The following GALNT13 variants were observed in gnomAD, a reference collection of about 807,000 sequenced individuals.
The protein encoded by GALNT13 is UDP-GalNAc:polypeptide N-acetylgalactosaminyltransferase 13.
GALNT13 carries 28 observed loss-of-function variants against 64.2 expected under a neutral mutation model. The observed-to-expected ratio is 0.44, with a 90% confidence interval of 0.32 to 0.60. The LOEUF is 0.60. Among genes scored for constraint, GALNT13 ranks in the 20% least tolerant of loss-of-function variants. GALNT13 has a pLI of 0.05. For missense variants in GALNT13, 577 were observed against 669.8 expected, an observed-to-expected ratio of 0.86 and a Z score of 1.53; for synonymous variants, 214 against 224.6, an observed-to-expected ratio of 0.95 and a Z score of 0.42.
chr2:154,401,074 A>G (rs1461569091), intron 10 of GALNT13, among the ~76,000 whole-genome samples: 3 of 152,182 alleles, frequency 2.0e-5, no homozygotes, highest in Admixed American at 6.5e-5. Flanking sequence ...ACATTAGCAT[A>G]TGCATTTTGT....
At chr2:153,576,923 T>C in the GALNT13 span, among the ~76,000 whole-genome samples, 1 of 152,188 alleles carries the variant, frequency 6.6e-6, no homozygotes, top group East Asian at 1.9e-4. Flanking sequence ...TTATATCTTG[T>C]TTAAAAATCT....
chr2:153,697,004 G>A, the GALNT13 span, among the ~76,000 whole-genome samples: 17 of 152,160 alleles, frequency 1.1e-4, no homozygotes, highest in Non-Finnish European at 2.5e-4. Flanking sequence ...AGTAATAACG[G>A]TTGTGTGAAC....
At chr2:153,460,486 TGAA>T in the GALNT13 span, among the ~76,000 whole-genome samples, 28 of 152,126 alleles carry the variant, frequency 1.8e-4, no homozygotes, top group Admixed American at 3.3e-4. Flanking sequence ...CAGACAATAC[TGAA>T]GAAGACCATC....
the GALNT13 span, chr2:153,187,420 G>T: frequency 6.6e-6 from 1 of 152,202 alleles, no homozygotes; most frequent in African/African-American, 2.4e-5. Flanking sequence ...AAGGGGAAAG[G>T]TAACACAGTC....
At chr2:153,715,623 A>C in the GALNT13 span, among the ~76,000 whole-genome samples, 8 of 152,234 alleles carry the variant, frequency 5.3e-5, no homozygotes, top group Non-Finnish European at 1.0e-4. Context: ...ACTACTTGTC[A>C]ACTTTTCAAA....
the GALNT13 span, among the ~76,000 whole-genome samples, chr2:153,689,214 C>A: frequency 6.6e-6 from 1 of 151,726 alleles, no homozygotes; most frequent in Non-Finnish European, 1.5e-5. Flanking sequence ...CACATTCATG[C>A]CAAAACTTTG....
At chr2:153,938,760 A>T (rs1046421498) in intron 2 of GALNT13, among the ~76,000 whole-genome samples, 1 of 152,100 alleles carries the variant, frequency 6.6e-6, no homozygotes, top group South Asian at 2.1e-4. Flanking sequence ...CTGTGTCCTA[A>T]TCTCCTTGAA....
At chr2:154,050,256 A>G (rs1047254661) in intron 3 of GALNT13, among the ~76,000 whole-genome samples, 1 of 152,198 alleles carries the variant, frequency 6.6e-6, no homozygotes, top group Non-Finnish European at 1.5e-5. Context: ...ACCTTCTAAC[A>G]TCATCACATT....
chr2:153,238,223 G>T, the GALNT13 span, among the ~76,000 whole-genome samples: 2 of 151,904 alleles, frequency 1.3e-5, no homozygotes, highest in Admixed American at 1.3e-4. Flanking sequence ...TATATATTCT[G>T]ACTATTAATC....
intron 3 of GALNT13, among the ~76,000 whole-genome samples, chr2:154,034,818 A>G (rs112513125): frequency 3.6e-5 from 5 of 139,396 alleles, no homozygotes; most frequent in Admixed American, 3.5e-4. Context: ...AAAATGCTCA[A>G]CACCGCTAAT....
chr2:154,160,774 A>G (rs1288833106), intron 4 of GALNT13, among the ~76,000 whole-genome samples: 2 of 152,198 alleles, frequency 1.3e-5, no homozygotes, highest in Non-Finnish European at 2.9e-5. Context: ...TCCCTTCCCT[A>G]GAAGTAGAAA....
At chr2:153,761,247 CCTA>C in the GALNT13 span, among the ~76,000 whole-genome samples, 2 of 152,004 alleles carry the variant, frequency 1.3e-5, no homozygotes, top group Admixed American at 6.6e-5. Context: ...TAGGTAAGAA[CCTA>C]CTACTACCAT....
At chr2:154,049,371 A>T (rs963496755) in intron 3 of GALNT13, among the ~76,000 whole-genome samples, 3 of 148,518 alleles carry the variant, frequency 2.0e-5, no homozygotes, top group African/African-American at 7.3e-5. Context: ...TAATTTAAAG[A>T]ATATATATCA....
chr2:153,138,028 C>G, the GALNT13 span, among the ~76,000 whole-genome samples: 105 of 152,178 alleles, frequency 6.9e-4, no homozygotes, highest in Non-Finnish European at 1.2e-3. Context: ...TTAGTATGTG[C>G]CAGACTCTGT....
the GALNT13 span, among the ~76,000 whole-genome samples, chr2:153,662,348 A>C: frequency 1.3e-5 from 2 of 152,096 alleles, no homozygotes; most frequent in African/African-American, 4.8e-5. Context: ...CGTTTCCTTC[A>C]TTCTCCCACA....
the GALNT13 span, among the ~76,000 whole-genome samples, chr2:153,509,197 G>A: frequency 6.6e-6 from 1 of 152,214 alleles, no homozygotes; most frequent in African/African-American, 2.4e-5. Flanking sequence ...TTGAGCCTGC[G>A]GGGAAACAGG....
the GALNT13 span, among the ~76,000 whole-genome samples, chr2:153,745,558 A>G: frequency 1.4e-4 from 22 of 152,136 alleles, no homozygotes; most frequent in Non-Finnish European, 2.6e-4. Context: ...CCATTTCTAA[A>G]TTCAATGAAA....
At chr2:154,335,793 A>G (rs898652618) in intron 9 of GALNT13, among the ~76,000 whole-genome samples, 9 of 152,108 alleles carry the variant, frequency 5.9e-5, no homozygotes, top group African/African-American at 1.9e-4. Flanking sequence ...GAATATTTTT[A>G]AAGTAAATGT....
chr2:153,646,107 G>T, the GALNT13 span, among the ~76,000 whole-genome samples: 1 of 151,968 alleles, frequency 6.6e-6, no homozygotes, highest in Non-Finnish European at 1.5e-5. Context: ...ATAGTAAATG[G>T]TGAAGATACA....
Sources: gnomAD v4.1 joint callset for allele counts (sites outside exome capture counted in the v4.1 genomes callset) on GRCh38, gnomAD v4.1.1 for gene constraint, MANE v1.5 for transcripts, NCBI Gene and HGNC (gene_info 2026-07-23, HGNC 2026-07-21) for gene names.